The following PKP1 variants were observed in gnomAD, a reference collection of about 807,000 sequenced individuals.
The protein encoded by PKP1 is plakophilin-1.
Under a neutral mutation model 76.4 loss-of-function variants are expected in PKP1, and 27 were observed. The observed-to-expected ratio is 0.35, with a 90% CI of 0.26 to 0.49. The LOEUF is 0.49. Ranked by LOEUF, PKP1 falls within the 20% of genes least tolerant of loss-of-function variation. PKP1 has a pLI of 0.99. For missense variants in PKP1, 964 were observed against 955.2 expected, an observed-to-expected ratio of 1.01 and a Z score of -0.12; for synonymous variants, 404 against 384.2, an observed-to-expected ratio of 1.05 and a Z score of -0.60.
intron 2 of PKP1, among the ~76,000 whole-genome samples, chr1:201,304,845 C>T (rs529630359): frequency 8.5e-4 from 130 of 152,350 alleles, no homozygotes; most frequent in African/African-American, 3.1e-3. Context: ...ATCTTAGCTG[C>T]GTGGCCTTGG....
chr1:201,305,294 G>A (rs1571548378), intron 2 of PKP1, among the ~76,000 whole-genome samples: 1 of 152,340 alleles, frequency 6.6e-6, no homozygotes, highest in Middle Eastern at 3.4e-3. Flanking sequence ...GAGGCAAGAG[G>A]ATAACTTGAG....
At chr1:201,306,709 C>G (rs1019122585) in intron 2 of PKP1, among the ~76,000 whole-genome samples, 1 of 151,850 alleles carries the variant, frequency 6.6e-6, no homozygotes, top group Non-Finnish European at 1.5e-5. Context: ...GAGTCTCGCT[C>G]TCTCACCCAG....
Position 201,294,036 on chromosome 1 carries a change from G to C in PKP1, c.297G>C (p.Trp99Cys), listed in dbSNP as rs767309700. 9 of 1,607,234 alleles carry C rather than the reference G, an allele frequency of 5.6e-6. No individual in the cohort carries two copies. The highest frequency in any genetic ancestry group is 6.0e-6 in the Non-Finnish European group (7 of 1,174,008). The stretch of plus-strand genomic sequence containing the variant: ...AGTTCCAGGCAGGGAATGGCTCATG[G>C]GGATATCCGGTAAGGAACTGCTTCC... The part of the protein sequence containing the change: ...YSKFQAGNGS[W>C]GYPIYNGTLK... Residue 99 changes from tryptophan (W) to cysteine (C), a missense_variant, in exon 2 of 14, where the codon TGG becomes TGC. Trp to Cys is a radical substitution (Grantham distance 215). Transcript: ENST00000367324.
intron 2 of PKP1, among the ~76,000 whole-genome samples, chr1:201,311,977 G>A (rs1238359333): frequency 2.6e-5 from 4 of 152,188 alleles, no homozygotes; most frequent in Non-Finnish European, 1.5e-5. Flanking sequence ...TCCCCACTTG[G>A]GCTCACACAG....
In PKP1 at chr1:201,313,361, C is replaced by A. The variant is rs527683180; in HGVS notation, c.502C>A (p.Arg168Ser). Reference sequence around the variant, plus strand: ...CTACTGTGACCCACGGGGCACCCTGCGCAAGGGCACGCTGGGCAGCAAGGG... The same window carrying A: ...CTACTGTGACCCACGGGGCACCCTGAGCAAGGGCACGCTGGGCAGCAAGGG... The part of the protein sequence containing the change: ...DLYCDPRGTL[R>S]KGTLGSKGQK... Residue 168 changes from arginine to serine, a missense_variant, in exon 3 of 14, where the codon CGC becomes AGC. Coordinates refer to ENST00000367324, the MANE Select transcript of PKP1 (RefSeq NM_001005337.3). The A allele has an allele frequency of 1.9e-6, 3 of 1,581,266 alleles. No individual in the cohort carries two copies. The highest frequency in any genetic ancestry group is 8.6e-7 in the Non-Finnish European group (1 of 1,163,440).
At chr1:201,292,056 C>G (rs925716931) in intron 1 of PKP1, among the ~76,000 whole-genome samples, 1 of 152,220 alleles carries the variant, frequency 6.6e-6, no homozygotes, top group African/African-American at 2.4e-5. Flanking sequence ...GGATGTTGCT[C>G]ATAGGCGGAT....
At chr1:201,310,055 C>A (rs1309066954) in intron 2 of PKP1, among the ~76,000 whole-genome samples, 2 of 152,188 alleles carry the variant, frequency 1.3e-5, no homozygotes, top group Non-Finnish European at 2.9e-5. Flanking sequence ...CATACACTTT[C>A]CTGGGCTGTC....
intron 2 of PKP1, among the ~76,000 whole-genome samples, chr1:201,295,704 AATT>A (rs1656051378): frequency 1.3e-5 from 2 of 152,232 alleles, no homozygotes; most frequent in Middle Eastern, 3.4e-3. Flanking sequence ...TAGATAGTTT[AATT>A]TCTCTGGGCC....
chr1:201,293,123 A>G (rs895242849), intron 1 of PKP1, among the ~76,000 whole-genome samples: 1 of 152,180 alleles, frequency 6.6e-6, no homozygotes, highest in African/African-American at 2.4e-5. Flanking sequence ...ACCATTGGCC[A>G]TATTTCAAGG....
chr1:201,325,260 A>G lies in PKP1; in HGVS notation c.2021+133A>G. On this transcript the variant is annotated intron_variant, in intron 11 of 13. Transcript: ENST00000367324. ...GGGCAGGGGGAGCCAGGGACGGGGG[A>G]GGCTTGAATGGAGGAGAAGTTCCAG... The G allele has an allele frequency of 4.4e-6, 4 of 914,838 alleles. No homozygotes were observed. In the South Asian group the frequency reaches 5.8e-5, roughly 13 times the overall value. 56.7% of individuals were successfully genotyped at this position (914,838 alleles called of 1,614,324 possible).
At chr1:201,317,905 AG>A (rs1656812223) in intron 5 of PKP1, 126 bp downstream of exon 5, 1 of 916,716 alleles carries the variant, frequency 1.1e-6, no homozygotes, top group Non-Finnish European at 1.7e-6. Flanking sequence ...GATTTGGCCC[AG>A]GGCTAATATC....
rs139614901 is a variant in PKP1, at chr1:201,304,419, T to A, written c.307-8747T>A. Among the ~76,000 whole-genome samples, 393 of 152,310 alleles carry A rather than the reference T, an allele frequency of 2.6e-3. 4 individuals carry two copies. The highest frequency in any genetic ancestry group is 8.9e-3 in the African/African-American group (371 of 41,572). ...ATTCCCATCACTCACTGCACCTTCA[T>A]TCTCATGGTCCTGGCCAGGACAGAA... On this transcript the variant is annotated intron_variant, in intron 2 of 13. Coordinates refer to ENST00000367324, the MANE Select transcript of PKP1 (RefSeq NM_001005337.3).
At chr1:201,308,379 C>A (rs768650055) in intron 2 of PKP1, among the ~76,000 whole-genome samples, 9 of 152,226 alleles carry the variant, frequency 5.9e-5, no homozygotes, top group African/African-American at 1.2e-4. Context: ...TGAGCTCTTG[C>A]TGTGAGCTCA....
At chr1:201,304,826 G>A (rs1656328787) in intron 2 of PKP1, among the ~76,000 whole-genome samples, 1 of 152,236 alleles carries the variant, frequency 6.6e-6, no homozygotes, top group Admixed American at 6.5e-5. Context: ...CTGGCTTAGG[G>A]TCTGCCCCAT....
At chr1:201,298,040 G>T (rs536797072) in intron 2 of PKP1, among the ~76,000 whole-genome samples, 21 of 152,156 alleles carry the variant, frequency 1.4e-4, no homozygotes, top group South Asian at 4.2e-4. Context: ...GTTAAATCTG[G>T]CAACCCTCTG....
At chr1:201,299,231 A>AC (rs1656155357) in intron 2 of PKP1, among the ~76,000 whole-genome samples, 1 of 152,212 alleles carries the variant, frequency 6.6e-6, no homozygotes, top group Non-Finnish European at 1.5e-5. Context: ...TGTGACTCTT[A>AC]GTCAAGTCTG....
At chr1:201,320,054 T>C in intron 6 of PKP1, 2 of 725,204 alleles carry the variant, frequency 2.8e-6, no homozygotes, top group Non-Finnish European at 4.9e-6. Flanking sequence ...TCCGTTTTCA[T>C]CTTTTCCTCT....
intron 2 of PKP1, among the ~76,000 whole-genome samples, chr1:201,300,727 C>T (rs562532980): frequency 6.6e-6 from 1 of 152,302 alleles, no homozygotes; most frequent in East Asian, 1.9e-4. Context: ...AGAGAATGGC[C>T]CCATGTCAGC....
At chr1:201,314,564 A>G (rs1656669045) in intron 3 of PKP1, among the ~76,000 whole-genome samples, 1 of 152,198 alleles carries the variant, frequency 6.6e-6, no homozygotes. Context: ...CTGTGCATAC[A>G]TGTGGAAGGC....
Sources: gnomAD v4.1 joint callset for allele counts (sites outside exome capture counted in the v4.1 genomes callset) on GRCh38, gnomAD v4.1.1 for gene constraint, MANE v1.5 for transcripts, NCBI Gene and HGNC (gene_info 2026-07-23, HGNC 2026-07-21) for gene names.